KRT76: variants seen among roughly 807,000 people sequenced by gnomAD.
KRT76 encodes keratin, type II cytoskeletal 2 oral.
A neutral mutation model predicts 44.9 loss-of-function variants in KRT76; 47 were observed. The ratio of observed to expected loss-of-function variants is 1.05; its 90% CI spans 0.83 to 1.33. The LOEUF is 1.33. KRT76 is among the 40% of genes most tolerant of loss of function. The pLI, the probability that KRT76 is intolerant of heterozygous loss-of-function variation, is 0.00. For synonymous variants in KRT76, 331 were observed against 294.1 expected (o/e 1.13, Z -1.28); for missense variants, 860 against 775.8 (o/e 1.11, Z -1.29).
chr12:52,772,882 C>A lies in KRT76; in HGVS notation c.877-4G>T. The A allele has an allele frequency of 1.2e-6, 2 of 1,610,208 alleles. No homozygotes were observed. The highest frequency in any genetic ancestry group is 1.7e-6 in the Non-Finnish European group (2 of 1,176,420). The stretch of plus-strand genomic sequence containing the variant: ...TCATGAAAGCCGCATCCACATCCTG[C>A]AGAGGAGGTCAGAAACCCAGAGAAT... On this transcript the variant is annotated splice_polypyrimidine_tract_variant and splice_region_variant and intron_variant, in intron 3 of 8. Transcript: ENST00000332411.
chr12:52,775,956 C>T (rs1397597987), intron 1 of KRT76, among the ~76,000 whole-genome samples: 1 of 150,526 alleles, frequency 6.6e-6, no homozygotes. Context: ...CCAGGACTGT[C>T]CTGGGTCTAT....
In KRT76 at chr12:52,775,451, T is replaced by C. The variant is rs1228082161; in HGVS notation, c.752A>G (p.Glu251Gly). 1.2e-6 allele frequency: 2 copies of C among 1,614,142 alleles called. No individual in the cohort carries two copies. Among genetic ancestry groups the C allele is most frequent in the African/African-American group, 1.3e-5 (1 of 75,048 alleles). ...CAGCTCTCCCTCCAGGTTCCCCCTC[T>C]CCCCTAGAAGTGAATCTAGCTGCTT... Reference protein sequence around the residue: ...LCKQLDSLLGERGNLEGELKS... With the variant: ...LCKQLDSLLGGRGNLEGELKS... Residue 251 changes from glutamate (E) to glycine (G), a missense_variant, in exon 2 of 9, where the codon GAG becomes GGG. Glu to Gly is a moderately conservative substitution (Grantham distance 98, BLOSUM62 -2). Transcript: ENST00000332411.
rs761245787 is a variant in KRT76, at chr12:52,768,679, G to A, written c.*34C>T. ...GGAAACACTATTGCAGGCTGAGTGG[G>A]AAGCAGGTGGTTATAGAGATTTGGA... On this transcript the variant is annotated 3_prime_UTR_variant, in exon 9 of 9. Coordinates refer to ENST00000332411, the MANE Select transcript of KRT76 (RefSeq NM_015848.4). 6.4e-7 allele frequency: 1 copy of A among 1,560,002 alleles called. No homozygotes were observed. Among genetic ancestry groups the A allele is most frequent in the Admixed American group, 1.7e-5 (1 of 57,484 alleles).
In KRT76 at chr12:52,776,680, C is replaced by T. The variant is rs201649328; in HGVS notation, c.600+12G>A. On this transcript the variant is annotated intron_variant, in intron 1 of 8. Transcript: ENST00000332411. ...CCAAACCCTCCACAGCACCTCTTGG[C>T]CTTGCCCTCACCTTGTCGATGAAGG... The T allele has an allele frequency of 3.1e-5, 50 of 1,613,922 alleles. No homozygotes were observed. In the South Asian group the frequency reaches 4.8e-4, roughly 16 times the overall value.
intron 2 of KRT76, 43 bp downstream of exon 2, chr12:52,775,345 G>A: frequency 6.4e-7 from 1 of 1,571,614 alleles, no homozygotes; most frequent in Non-Finnish European, 8.8e-7. Flanking sequence ...ACACCTCCCT[G>A]CTAATTCCCC....
chr12:52,777,110 A>G lies in KRT76; in HGVS notation c.182T>C (p.Leu61Pro). The G allele has an allele frequency of 1.2e-6, 2 of 1,614,160 alleles. No individual in the cohort carries two copies. Among genetic ancestry groups the G allele is most frequent in the Non-Finnish European group, 1.7e-6 (2 of 1,180,046 alleles). Reference protein sequence around the residue: ...GSFGSRSLYNLGSNKSISISV... With the variant: ...GSFGSRSLYNPGSNKSISISV... ...GATGGAGATGCTCTTGTTGCTGCCC[A>G]GGTTGTAGAGGCTGCGACTGCCAAA... The change falls in exon 1 of 9, where the codon CTG becomes CCG. Residue 61 changes from leucine (L) to proline (P), a missense_variant. Coordinates refer to ENST00000332411, the MANE Select transcript of KRT76 (RefSeq NM_015848.4).
Position 52,771,957 on chromosome 12 carries a change from C to T in KRT76, c.1177G>A (p.Asp393Asn). 1 of 1,614,142 alleles carries T rather than the reference C, an allele frequency of 6.2e-7. No homozygotes were observed. The highest frequency in any genetic ancestry group is 8.5e-7 in the Non-Finnish European group (1 of 1,180,014). Residue 393 changes from aspartate (D) to asparagine (N), a missense_variant, in exon 6 of 9, where the codon GAC (aspartate) becomes AAC (asparagine). Coordinates refer to ENST00000332411, the MANE Select transcript of KRT76 (RefSeq NM_015848.4). ...LQTTAGRHGDDLRNTKSEIME... is the reference protein window; with the variant it reads ...LQTTAGRHGDNLRNTKSEIME... ...ATCTCACTCTTGGTGTTCCTCAGGT[C>T]ATCCCCATGCCTGCCAGCTGTGGTC...
Position 52,769,557 on chromosome 12 carries a change from AC to A in KRT76, c.1510del (p.Val504CysfsTer90). On this transcript the variant is annotated frameshift_variant, in exon 8 of 9. Transcript: ENST00000332411. LOFTEE classifies it low-confidence loss of function (END_TRUNC). ...TTGAATGGGCTACTTACAAATGCAC[AC>A]GGCACTCTGACATTCTCCAGACATC... Reference protein sequence around the residue: ...CRMSGECQSAVCISVVSNVTS... With the variant: ...CRMSGECQSAXCISVVSNVTS... 1 of 1,613,948 alleles carries A rather than the reference AC, an allele frequency of 6.2e-7. No individual in the cohort carries two copies. The highest frequency in any genetic ancestry group is 8.5e-7 in the Non-Finnish European group (1 of 1,179,814).
In KRT76 at chr12:52,772,924, C is replaced by T. The variant is rs369373569; in HGVS notation, c.877-46G>A. 2.0e-5 allele frequency: 27 copies of T among 1,380,070 alleles called. No homozygotes were observed. The African/African-American group carries it at 2.7e-4, about 14-fold the overall frequency. 85.5% of individuals were successfully genotyped at this position (1,380,070 alleles called of 1,614,324 possible). A position where few individuals can be genotyped will look rare whatever the true frequency, so the allele number is the denominator to read the frequency against. On this transcript the variant is annotated intron_variant, in intron 3 of 8. Transcript: ENST00000332411. Reference sequence around the variant, plus strand: ...CCAGAGAATGACCCTCTGTTCCCCTCCCACCCAGTGGCTCTTTCCTAAGCC... The same window carrying T: ...CCAGAGAATGACCCTCTGTTCCCCTTCCACCCAGTGGCTCTTTCCTAAGCC...
intron 6 of KRT76, among the ~76,000 whole-genome samples, chr12:52,771,425 G>A (rs1470603523): frequency 6.6e-6 from 1 of 152,132 alleles, no homozygotes; most frequent in African/African-American, 2.4e-5. Flanking sequence ...ATCAAGAAAG[G>A]GAGCACTAAT....
intron 7 of KRT76, 92 bp from the exon 8 acceptor site, chr12:52,769,675 T>C: frequency 9.1e-7 from 1 of 1,094,898 alleles, no homozygotes; most frequent in Non-Finnish European, 1.4e-6. Context: ...CGCCCTCCCA[T>C]TTGCCCCACT....
In KRT76 at chr12:52,772,165, C is replaced by T. The variant is rs12296548; in HGVS notation, c.1066G>A (p.Glu356Lys). 203,544 of 1,613,100 alleles carry T rather than the reference C, an allele frequency of 0.13. 14,366 individuals carry two copies. The highest frequency in any genetic ancestry group is 0.27 in the South Asian group (24,438 of 90,794). Residue 356 changes from glutamate (E) to lysine (K), a missense_variant, in exon 5 of 9, where the codon GAG becomes AAG. Physicochemically the swap from Glu to Lys is moderately conservative, Grantham distance 56 (BLOSUM62 1). Transcript: ENST00000332411. ...RCLDLGSIIA[E>K]VRAQYEEIAQ... ...ATCTCCTCATACTGGGCGCGGACCT[C>T]GGCAATGATGCTGCCCAGGTCCAGG...
chr12:52,777,089 G>T lies in KRT76; in HGVS notation c.203C>A (p.Ser68Tyr). 10 of 1,614,210 alleles carry T rather than the reference G, an allele frequency of 6.2e-6. No homozygotes were observed. The highest frequency in any genetic ancestry group is 8.5e-6 in the Non-Finnish European group (10 of 1,180,052). Residue 68 changes from serine (S) to tyrosine (Y), a missense_variant, in exon 1 of 9, where the codon TCC becomes TAC. Transcript: ENST00000332411. ...LYNLGSNKSI[S>Y]ISVAAGSSRA... is the part of the protein sequence containing the mutation. Reference sequence around the variant, plus strand: ...GGAGCTGCCAGCTGCCACGCTGATGGAGATGCTCTTGTTGCTGCCCAGGTT... The same window carrying T: ...GGAGCTGCCAGCTGCCACGCTGATGTAGATGCTCTTGTTGCTGCCCAGGTT...
At chr12:52,769,451 G>T in intron 8 of KRT76, 98 bp downstream of exon 8, 1 of 1,042,026 alleles carries the variant, frequency 9.6e-7, no homozygotes, top group South Asian at 1.3e-5. Context: ...GACTTCCTTG[G>T]ATGGAACAGG....
chr12:52,770,077 T>C (rs549816585), intron 7 of KRT76, among the ~76,000 whole-genome samples: 1 of 152,340 alleles, frequency 6.6e-6, no homozygotes, highest in South Asian at 2.1e-4. Context: ...ATTTGAAATG[T>C]ACCACCTACA....
chr12:52,770,894 C>A (rs1939168837), intron 7 of KRT76, 105 bp downstream of exon 7: 2 of 1,427,842 alleles, frequency 1.4e-6, no homozygotes, highest in Non-Finnish European at 1.9e-6. Context: ...ACACTCCTTG[C>A]CCTTTGTCTT....
intron 1 of KRT76, 76 bp from the exon 2 acceptor site, chr12:52,775,678 T>A (rs926128114): frequency 2.6e-5 from 30 of 1,134,838 alleles, no homozygotes; most frequent in Non-Finnish European, 3.6e-5. Flanking sequence ...AATGTAGAAC[T>A]GTGGAGAAGG....
chr12:52,775,630 C>T (rs370873599), intron 1 of KRT76, 28 bp from the exon 2 acceptor site: 74 of 1,598,486 alleles, frequency 4.6e-5, no homozygotes, highest in Non-Finnish European at 5.9e-5. Context: ...GAAAAGGAGT[C>T]AGCCCCTTGA....
At chr12:52,775,107 G>A (rs79040443) in intron 2 of KRT76, among the ~76,000 whole-genome samples, 2,150 of 152,186 alleles carry the variant, frequency 0.014, 47 homozygotes, top group African/African-American at 0.049. Flanking sequence ...CAAGTGTGGC[G>A]GACTCCCCAT....
Sources: allele counts gnomAD v4.1 joint callset (sites outside exome capture counted in the v4.1 genomes callset), GRCh38; gene constraint gnomAD v4.1.1; transcripts MANE v1.5; gene names NCBI Gene and HGNC (gene_info 2026-07-23, HGNC 2026-07-21).